The following RC3H1 variants were observed in gnomAD, a reference collection of about 807,000 sequenced individuals.
The protein encoded by RC3H1 is ring finger and CCCH-type domains 1.
RC3H1 carries 50 observed loss-of-function variants against 138.2 expected under a neutral mutation model. The ratio of observed to expected loss-of-function variants is 0.36; its 90% CI spans 0.29 to 0.46. The LOEUF is 0.46. Ranked by LOEUF, RC3H1 falls within the 20% of genes least tolerant of loss-of-function variation. RC3H1 has a pLI of 1.00. For missense variants in RC3H1, 1,031 were observed against 1,388.1 expected, an observed-to-expected ratio of 0.74 and a Z score of 4.09; for synonymous variants, 462 against 489.1, an observed-to-expected ratio of 0.94 and a Z score of 0.73.
chr1:173,975,369 C>T (rs1487865702), intron 7 of RC3H1, among the ~76,000 whole-genome samples: 1 of 152,038 alleles, frequency 6.6e-6, no homozygotes, highest in South Asian at 2.1e-4. Context: ...GCTGGGATTA[C>T]AGGCGTGAGC....
Position 173,980,795 on chromosome 1 carries a change from A to G in RC3H1, c.969+14T>C. 6.3e-7 allele frequency: 1 copy of G among 1,599,814 alleles called. No individual in the cohort carries two copies. The highest frequency in any genetic ancestry group is 8.6e-7 in the Non-Finnish European group (1 of 1,169,056). ...AAGATTAGTCTAAGAAGTAAGGAACAAAAAAGGTCCTACCTTGTCAATAAT... is the reference window on the plus strand; with the variant it reads ...AAGATTAGTCTAAGAAGTAAGGAACGAAAAAGGTCCTACCTTGTCAATAAT... On this transcript the variant is annotated intron_variant, in intron 6 of 19. Transcript: ENST00000367696.
chr1:173,955,009 G>A (rs12730495), intron 13 of RC3H1, among the ~76,000 whole-genome samples: 8 of 151,470 alleles, frequency 5.3e-5, no homozygotes, highest in East Asian at 2.0e-4. Context: ...GGCAGATCAC[G>A]AGGTCAGGAG....
At chr1:174,002,957 T>C (rs1410890368) in intron 1 of RC3H1, among the ~76,000 whole-genome samples, 4 of 152,156 alleles carry the variant, frequency 2.6e-5, no homozygotes, top group Admixed American at 6.5e-5. Context: ...AATCTCTCTC[T>C]CAAGTTCAGA....
intron 17 of RC3H1, among the ~76,000 whole-genome samples, chr1:173,946,005 T>C (rs1412642299): frequency 2.6e-5 from 4 of 151,968 alleles, no homozygotes; most frequent in Admixed American, 1.3e-4. Flanking sequence ...CTATCTCTAC[T>C]AAAAATACAA....
chr1:173,968,466 G>A (rs566696122), intron 9 of RC3H1, among the ~76,000 whole-genome samples: 1 of 152,220 alleles, frequency 6.6e-6, no homozygotes, highest in South Asian at 2.1e-4. Context: ...CCCTGGAAGA[G>A]ATCCTTAATT....
intron 1 of RC3H1, among the ~76,000 whole-genome samples, chr1:174,006,112 C>G (rs1661648269): frequency 6.6e-6 from 1 of 152,122 alleles, no homozygotes; most frequent in South Asian, 2.1e-4. Flanking sequence ...GAGGCTGAGG[C>G]AGGAGAATTG....
intron 7 of RC3H1, among the ~76,000 whole-genome samples, chr1:173,976,328 G>A (rs1176054631): frequency 6.6e-6 from 1 of 151,854 alleles, no homozygotes; most frequent in Non-Finnish European, 1.5e-5. Context: ...TTAGCTGGAT[G>A]TGGTGGTACA....
intron 13 of RC3H1, among the ~76,000 whole-genome samples, chr1:173,957,665 C>A (rs1380640879): frequency 6.6e-6 from 1 of 152,116 alleles, no homozygotes; most frequent in African/African-American, 2.4e-5. Flanking sequence ...TCCTCTCGAT[C>A]TTCCCACCTC....
chr1:173,949,930 G>A (rs1270059941), intron 14 of RC3H1, among the ~76,000 whole-genome samples: 1 of 152,164 alleles, frequency 6.6e-6, no homozygotes, highest in African/African-American at 2.4e-5. Context: ...ACTTTGGGAG[G>A]CCGAGGAGGG....
intron 1 of RC3H1, among the ~76,000 whole-genome samples, chr1:174,018,841 C>T (rs1340390481): frequency 6.6e-6 from 1 of 152,190 alleles, no homozygotes; most frequent in Non-Finnish European, 1.5e-5. Context: ...TCAGTTTATT[C>T]TTCACTTTGT....
rs1658628378 is a variant in RC3H1, at chr1:173,936,888, T to C, written c.*1833A>G. The C allele has an allele frequency of 6.9e-6, 1 of 144,888 alleles. No homozygotes were observed. The highest frequency in any genetic ancestry group is 1.5e-5 in the Non-Finnish European group (1 of 66,476). 9.0% of individuals were successfully genotyped at this position (144,888 alleles called of 1,614,324 possible). ...CAATTTATCGCAACAGCTGCGCTCA[T>C]GCGAAAAAATCCTTAAAACATACCC... On this transcript the variant is annotated 3_prime_UTR_variant, in exon 20 of 20. Transcript: ENST00000367696.
In RC3H1 at chr1:173,935,511, A is replaced by T. The variant is rs983896749; in HGVS notation, c.*3210T>A. On this transcript the variant is annotated 3_prime_UTR_variant, in exon 20 of 20. Transcript: ENST00000367696. The stretch of plus-strand genomic sequence containing the variant: ...ATAAAGTAATATTTAGAAGAAACTA[A>T]TATTTTAGTAAGTAGAAAACATAAA... 3 of 152,170 alleles carry T rather than the reference A, an allele frequency of 2.0e-5. No homozygotes were observed. The highest frequency in any genetic ancestry group is 4.4e-5 in the Non-Finnish European group (3 of 68,028). The allele number at this position is 152,170 out of a possible 1,614,324, so 9.4% of individuals were successfully genotyped here. A position where few individuals can be genotyped will look rare whatever the true frequency, so the allele number is the denominator to read the frequency against.
Position 173,980,621 on chromosome 1 carries a change from A to G in RC3H1, c.969+188T>C, listed in dbSNP as rs182443772. Among the ~76,000 whole-genome samples the G allele has an allele frequency of 2.5e-3, 380 of 152,300 alleles. 2 individuals carry two copies. Among genetic ancestry groups the G allele is most frequent in the Non-Finnish European group, 3.9e-3 (264 of 68,016 alleles). ...CAATAAAATATAAAATAAGTAAAATAAAAAATATAAACTAATCAAATCTTT... is the reference window on the plus strand; with the variant it reads ...CAATAAAATATAAAATAAGTAAAATGAAAAATATAAACTAATCAAATCTTT... On this transcript the variant is annotated intron_variant, in intron 6 of 19. Transcript: ENST00000367696.
At chr1:173,947,950 G>T (rs1054102184) in intron 14 of RC3H1, among the ~76,000 whole-genome samples, 5 of 140,760 alleles carry the variant, frequency 3.6e-5, no homozygotes, top group Non-Finnish European at 7.4e-5. Flanking sequence ...TCCCTATGTT[G>T]ACCAGGCTGG....
At chr1:174,011,268 A>G (rs1661742860) in intron 1 of RC3H1, among the ~76,000 whole-genome samples, 1 of 152,054 alleles carries the variant, frequency 6.6e-6, no homozygotes, top group African/African-American at 2.4e-5. Flanking sequence ...TCCATAACTC[A>G]ATTAAAAAAA....
At chr1:174,007,664 C>A (rs1661679281) in intron 1 of RC3H1, among the ~76,000 whole-genome samples, 1 of 152,052 alleles carries the variant, frequency 6.6e-6, no homozygotes, top group Admixed American at 6.6e-5. Flanking sequence ...GGCTATATTG[C>A]CCAGGCTGGT....
intron 8 of RC3H1, 43 bp from the exon 9 acceptor site, chr1:173,970,660 C>G (rs576858525): frequency 1.6e-6 from 2 of 1,233,358 alleles, no homozygotes; most frequent in African/African-American, 3.0e-5. Flanking sequence ...TAACCCCCCA[C>G]AAAAAAACAT....
intron 1 of RC3H1, among the ~76,000 whole-genome samples, chr1:174,009,713 C>G (rs1476231589): frequency 6.6e-6 from 1 of 152,146 alleles, no homozygotes; most frequent in Non-Finnish European, 1.5e-5. Context: ...TGGCACGCGT[C>G]TGTAGTCTCA....
At chr1:173,962,640 A>C (rs1054871936) in intron 11 of RC3H1, among the ~76,000 whole-genome samples, 1 of 152,186 alleles carries the variant, frequency 6.6e-6, no homozygotes, top group African/African-American at 2.4e-5. Context: ...AGAAGTTTCT[A>C]CTTCTACTGC....
Sources: allele counts gnomAD v4.1 joint callset (sites outside exome capture counted in the v4.1 genomes callset), GRCh38; gene constraint gnomAD v4.1.1; transcripts MANE v1.5; gene names NCBI Gene and HGNC (gene_info 2026-07-23, HGNC 2026-07-21).